Variants in SLC19A3 observed in about 807,000 individuals in gnomAD.
The protein encoded by SLC19A3 is solute carrier family 19 member 3.
A neutral mutation model predicts 40.2 loss-of-function variants in SLC19A3; 31 were observed. The observed-to-expected ratio is 0.77, with a 90% CI of 0.58 to 1.04. The LOEUF (loss-of-function observed/expected upper bound fraction) is 1.04, where lower values mean the gene tolerates loss of function less well. Among genes scored for constraint, SLC19A3 ranks in the 50% least tolerant of loss-of-function variants. The probability of loss-of-function intolerance (pLI) is 0.00; values close to 1 mark genes in which losing one functional copy is unlikely to be tolerated. For missense variants in SLC19A3, 592 were observed against 596.7 expected (o/e 0.99, Z 0.08); for synonymous variants, 212 against 227.5 (o/e 0.93, Z 0.61).
chr2:227,712,050 C>CAACAAAA lies in SLC19A3; in HGVS notation c.-3+5892_-3+5893insTTTTGTT, dbSNP rs1553575279. On this transcript the variant is annotated intron_variant, in intron 1 of 5. Coordinates refer to ENST00000644224, the MANE Select transcript of SLC19A3 (RefSeq NM_025243.4). ...GGGCGACAGAATGAAACTCTGTCTC[C>CAACAAAA]AAAAAAAAAAAAAAAAAAAAAAAAA... 4.6e-5 allele frequency among the ~76,000 whole-genome samples: 3 copies of CAACAAAA among 65,492 alleles called. 1 individual carries two copies. The highest frequency in any genetic ancestry group is 2.1e-4 in the African/African-American group (3 of 14,082). 43.0% of individuals were successfully genotyped at this position (65,492 alleles called of 152,430 possible).
chr2:227,716,191 C>CATGCAAAT (rs754164524), intron 1 of SLC19A3, among the ~76,000 whole-genome samples: 19 of 152,146 alleles, frequency 1.2e-4, no homozygotes, highest in Non-Finnish European at 2.4e-4. Flanking sequence ...TGTCTATAGA[C>CATGCAAAT]ATGCAAATAA....
At chr2:227,702,347 T>C (rs1336989931) in intron 1 of SLC19A3, 27 bp from the exon 2 acceptor site, 7 of 1,612,334 alleles carry the variant, frequency 4.3e-6, no homozygotes, top group South Asian at 2.2e-5. Context: ...AAAGAGAAAA[T>C]TAAGTGATGC....
In SLC19A3 at chr2:227,703,659, G is replaced by C. The variant is rs1695802021; in HGVS notation, c.-2-1339C>G. Among the ~76,000 whole-genome samples the C allele has an allele frequency of 6.6e-6, 1 of 152,194 alleles. No homozygotes were observed. Among genetic ancestry groups the C allele is most frequent in the Non-Finnish European group, 1.5e-5 (1 of 68,042 alleles). On this transcript the variant is annotated intron_variant, in intron 1 of 5. Transcript: ENST00000644224. The surrounding 1 kb of genome is among the most constrained non-coding windows in gnomAD (Gnocchi z 4.7). Reference sequence around the variant, plus strand: ...TTCTTCCTGGAATGCTGCTGGGTTTGCTGGTGCTTTCTGTCTTCGTTGTTA... The same window carrying C: ...TTCTTCCTGGAATGCTGCTGGGTTTCCTGGTGCTTTCTGTCTTCGTTGTTA...
At chr2:227,697,815 C>T (rs934220740) in intron 3 of SLC19A3, among the ~76,000 whole-genome samples, 17 of 152,148 alleles carry the variant, frequency 1.1e-4, no homozygotes, top group African/African-American at 1.4e-4. Context: ...TGGTGGCTCA[C>T]GCCTGTAATC....
At chr2:227,706,316 T>C in intron 1 of SLC19A3, 1 of 1,231,668 alleles carries the variant, frequency 8.1e-7, no homozygotes, top group Non-Finnish European at 1.0e-6. Context: ...AGTTCATACC[T>C]GTGAAAGCCA....
At chr2:227,691,300 G>A (rs1032615968) in intron 4 of SLC19A3, among the ~76,000 whole-genome samples, 1 of 152,098 alleles carries the variant, frequency 6.6e-6, no homozygotes, top group East Asian at 1.9e-4. Flanking sequence ...ATAGTTACAA[G>A]TGCCTACATA....
chr2:227,716,121 A>G (rs952416976), intron 1 of SLC19A3, among the ~76,000 whole-genome samples: 1 of 152,114 alleles, frequency 6.6e-6, no homozygotes, highest in Admixed American at 6.6e-5. Context: ...ATTAGAGGTC[A>G]TTTGAGCTAT....
intron 2 of SLC19A3, 131 bp from the exon 3 acceptor site, chr2:227,699,695 T>A (rs1574561229): frequency 2.4e-6 from 2 of 829,022 alleles, no homozygotes; most frequent in East Asian, 5.2e-5. Flanking sequence ...GAAAACTGAT[T>A]TTCAAGGAAA....
chr2:227,714,563 A>T (rs1819), intron 1 of SLC19A3: 168,085 of 984,906 alleles, frequency 0.17, 15,348 homozygotes, highest in South Asian at 0.34. Context: ...CCCTTTCCAT[A>T]CCCTGGAGTC....
At chr2:227,694,249 C>T (rs1270503372) in intron 4 of SLC19A3, among the ~76,000 whole-genome samples, 3 of 152,084 alleles carry the variant, frequency 2.0e-5, no homozygotes, top group African/African-American at 7.2e-5. Flanking sequence ...TCAGGTGATC[C>T]ACCTGCTTTG....
chr2:227,701,986 AT>A (rs1329548486), intron 2 of SLC19A3, 182 bp downstream of exon 2: 4 of 596,912 alleles, frequency 6.7e-6, no homozygotes, highest in African/African-American at 5.6e-5. Flanking sequence ...TTTGGCTGCA[AT>A]TTTTTGCAAG....
intron 1 of SLC19A3, chr2:227,702,583 G>A (rs935565570): frequency 4.7e-6 from 2 of 421,250 alleles, no homozygotes; most frequent in Non-Finnish European, 4.4e-6. Context: ...AGTAGAGATG[G>A]GGTTTCACCA....
intron 4 of SLC19A3, among the ~76,000 whole-genome samples, chr2:227,691,839 T>C (rs557611713): frequency 2.9e-4 from 44 of 152,004 alleles, no homozygotes; most frequent in African/African-American, 1.0e-3. Flanking sequence ...TTAGCCAGAC[T>C]AAGAAAAAGA....
intron 1 of SLC19A3, among the ~76,000 whole-genome samples, chr2:227,710,393 C>T (rs2106340839): frequency 6.6e-6 from 1 of 152,284 alleles, no homozygotes; most frequent in South Asian, 2.1e-4. Flanking sequence ...CAGACTCCAT[C>T]TCTACAAAAA....
rs1449774004 is a variant in SLC19A3 at position 227,687,428 on chromosome 2, T to A, written c.1460A>T (p.Glu487Val). The change falls in exon 6 of 6, where the codon GAG becomes GTG. Residue 487 changes from glutamate to valine, a missense_variant. Transcript: ENST00000644224. ...ENPDVSHPEEESNIIMSTKL is the reference protein window; with the variant it reads ...ENPDVSHPEEVSNIIMSTKL ...TTTTGTTGACATGATGATATTACTCTCTTCCTCTGGGTGAGACACATCTGG... is the reference window on the plus strand; with the variant it reads ...TTTTGTTGACATGATGATATTACTCACTTCCTCTGGGTGAGACACATCTGG... The A allele has an allele frequency of 6.2e-7, 1 of 1,613,506 alleles. No homozygotes were observed.
chr2:227,688,942 GAATC>G (rs1695121830), intron 4 of SLC19A3, among the ~76,000 whole-genome samples: 2 of 152,146 alleles, frequency 1.3e-5, no homozygotes, highest in South Asian at 4.2e-4. Context: ...TAATTAAAAA[GAATC>G]AAGCAGAAAT....
At chr2:227,689,701 A>G (rs1252012249) in intron 4 of SLC19A3, among the ~76,000 whole-genome samples, 1 of 152,240 alleles carries the variant, frequency 6.6e-6, no homozygotes, top group African/African-American at 2.4e-5. Context: ...TACATAGAAC[A>G]ACACAGAATA....
In SLC19A3 at chr2:227,699,403, C is replaced by A. The variant is rs1342774605; in HGVS notation, c.312G>T (p.Lys104Asn). The A allele has an allele frequency of 6.2e-7, 1 of 1,614,168 alleles. No homozygotes were observed. The highest frequency in any genetic ancestry group is 8.5e-7 in the Non-Finnish European group (1 of 1,180,038). Reference protein sequence around the residue: ...WLLLLFGQGVKTMQVVEFFYG... With the variant: ...WLLLLFGQGVNTMQVVEFFYG... ...AGAAGAACTCTACAACCTGCATGGT[C>A]TTCACTCCTTGGCCAAACAACAGCA... Residue 104 changes from lysine (K) to asparagine (N), a missense_variant, in exon 3 of 6, where the codon AAG (lysine) becomes AAT (asparagine). Physicochemically the swap from Lys to Asn is moderately conservative, Grantham distance 94 (BLOSUM62 0). Coordinates refer to ENST00000644224, the MANE Select transcript of SLC19A3 (RefSeq NM_025243.4).
At chr2:227,708,416 T>G (rs1031253944) in intron 1 of SLC19A3, among the ~76,000 whole-genome samples, 18 of 152,270 alleles carry the variant, frequency 1.2e-4, no homozygotes, top group African/African-American at 4.3e-4. Flanking sequence ...CTTTTCCACT[T>G]TTAACCATCT....
Sources: gnomAD v4.1 joint callset for allele counts (sites outside exome capture counted in the v4.1 genomes callset) on GRCh38, gnomAD v4.1.1 for gene constraint, Gnocchi (gnomAD v3.1) non-coding constraint, MANE v1.5 for transcripts, NCBI Gene and HGNC (gene_info 2026-07-23, HGNC 2026-07-21) for gene names.